GRIP1: variants seen among roughly 807,000 people sequenced by gnomAD.
GRIP1 encodes glutamate receptor-interacting protein 1.
Under a neutral mutation model 129.9 loss-of-function variants are expected in GRIP1, and 45 were observed. That is an observed-to-expected ratio of 0.35 (90% CI 0.27 to 0.44). The LOEUF is 0.44. Ranked by LOEUF, GRIP1 falls within the 20% of genes least tolerant of loss-of-function variation. GRIP1 has a pLI of 1.00. For synonymous variants in GRIP1, 530 were observed against 520.8 expected (o/e 1.02, Z -0.24); for missense variants, 1,196 against 1,396.8 (o/e 0.86, Z 2.29).
chr12:66,663,897 C>G (rs2033652168), intron 1 of GRIP1, among the ~76,000 whole-genome samples: 1 of 152,140 alleles, frequency 6.6e-6, no homozygotes, highest in African/African-American at 2.4e-5. Flanking sequence ...ATGGCTGGTG[C>G]ATCTATGCTC....
In GRIP1 at chr12:66,455,487, G is replaced by A. The variant is rs764803577; in HGVS notation, c.1276C>T (p.Pro426Ser). Residue 426 changes from proline (P) to serine (S), a missense_variant, in exon 11 of 25, where the codon CCT becomes TCT. Coordinates refer to ENST00000359742, the MANE Select transcript of GRIP1 (RefSeq NM_001366722.1). ...SLSSLNMGTL[P>S]RSLYSTSPRG... is the part of the protein sequence containing the mutation. Reference sequence around the variant, plus strand: ...GGGCTGGTGGAGTAGAGGCTTCGAGGTAGAGTCCCCATGTTCAGGGAACTC... The same window carrying A: ...GGGCTGGTGGAGTAGAGGCTTCGAGATAGAGTCCCCATGTTCAGGGAACTC... The A allele has an allele frequency of 6.8e-6, 11 of 1,613,246 alleles. No homozygotes were observed. In the African/African-American group the frequency reaches 1.1e-4, roughly 16 times the overall value.
At chr12:66,590,198 C>A (rs754915155) in intron 2 of GRIP1, among the ~76,000 whole-genome samples, 1 of 152,132 alleles carries the variant, frequency 6.6e-6, no homozygotes, top group African/African-American at 2.4e-5. Context: ...GGTACCCAAA[C>A]GGGGATTCGG....
At chr12:66,781,386 G>C (rs1206648642) in intron 1 of GRIP1, among the ~76,000 whole-genome samples, 1 of 152,126 alleles carries the variant, frequency 6.6e-6, no homozygotes, top group African/African-American at 2.4e-5. Context: ...CCTTTTTAAA[G>C]TAACTTATTT....
intron 1 of GRIP1, among the ~76,000 whole-genome samples, chr12:66,952,869 TTC>T (rs2041779849): frequency 6.6e-6 from 1 of 152,210 alleles, no homozygotes; most frequent in South Asian, 2.1e-4. Context: ...AGTAAACATA[TTC>T]TGTTTTTAGT....
At chr12:66,513,506 A>G (rs1448855284) in intron 7 of GRIP1, among the ~76,000 whole-genome samples, 3 of 152,066 alleles carry the variant, frequency 2.0e-5, no homozygotes, top group African/African-American at 7.2e-5. Flanking sequence ...GCATCTGTAT[A>G]TGCATATGCA....
chr12:66,838,880 T>C (rs757283736), intron 1 of GRIP1, among the ~76,000 whole-genome samples: 59 of 152,270 alleles, frequency 3.9e-4, no homozygotes, highest in Middle Eastern at 3.4e-3. Flanking sequence ...AAAGGCAGAC[T>C]TCTATGTAGC....
intron 1 of GRIP1, among the ~76,000 whole-genome samples, chr12:66,857,071 T>C (rs920817662): frequency 2.0e-5 from 3 of 152,062 alleles, no homozygotes; most frequent in African/African-American, 4.8e-5. Context: ...GTGTCCTTTG[T>C]AGGGACATGG....
chr12:66,769,144 C>T (rs955333486), intron 1 of GRIP1, among the ~76,000 whole-genome samples: 1 of 151,982 alleles, frequency 6.6e-6, no homozygotes, highest in South Asian at 2.1e-4. Context: ...TCAGGTGATG[C>T]GGATGCTGTG....
chr12:66,639,889 T>C (rs891188935), intron 1 of GRIP1, among the ~76,000 whole-genome samples: 4 of 152,210 alleles, frequency 2.6e-5, no homozygotes, highest in Non-Finnish European at 4.4e-5. Context: ...AAATAGAAGC[T>C]GAGACAAGCT....
intron 1 of GRIP1, among the ~76,000 whole-genome samples, chr12:66,941,238 T>C (rs1009854078): frequency 1.3e-5 from 2 of 152,144 alleles, no homozygotes; most frequent in African/African-American, 4.8e-5. Flanking sequence ...TCACACTTCC[T>C]AAGTGGCAGA....
intron 5 of GRIP1, among the ~76,000 whole-genome samples, chr12:66,522,149 A>G (rs1013230128): frequency 2.6e-5 from 4 of 152,216 alleles, no homozygotes; most frequent in African/African-American, 9.7e-5. Flanking sequence ...CTTTGAAGAG[A>G]GTAGTGGTTC....
At chr12:66,899,471 C>CT (rs1458310644) in intron 1 of GRIP1, among the ~76,000 whole-genome samples, 1 of 69,618 alleles carries the variant, frequency 1.4e-5, no homozygotes, top group Non-Finnish European at 2.5e-5. Flanking sequence ...TCAAGTGATC[C>CT]CCCACCTCAG....
intron 1 of GRIP1, among the ~76,000 whole-genome samples, chr12:66,888,660 G>A (rs979577265): frequency 2.6e-5 from 4 of 152,178 alleles, no homozygotes; most frequent in African/African-American, 9.7e-5. Context: ...ACCTTGCCCT[G>A]CCAGAACTGA....
chr12:66,818,949 C>CA (rs1373575688), intron 1 of GRIP1, among the ~76,000 whole-genome samples: 4 of 152,116 alleles, frequency 2.6e-5, no homozygotes, highest in Non-Finnish European at 5.9e-5. Flanking sequence ...AAAGGTGTCC[C>CA]AAAAAATCTT....
intron 1 of GRIP1, among the ~76,000 whole-genome samples, chr12:67,019,749 T>C (rs528899925): frequency 3.3e-5 from 5 of 152,200 alleles, no homozygotes; most frequent in Admixed American, 1.3e-4. Flanking sequence ...GTAGAATTTA[T>C]CCTATAATCC....
chr12:66,639,376 G>C (rs2031717181), intron 1 of GRIP1, among the ~76,000 whole-genome samples: 1 of 152,094 alleles, frequency 6.6e-6, no homozygotes, highest in African/African-American at 2.4e-5. Context: ...TGTGTGCATT[G>C]GGGGAGGGCG....
chr12:66,773,991 A>G (rs1289075415), intron 1 of GRIP1, among the ~76,000 whole-genome samples: 1 of 152,148 alleles, frequency 6.6e-6, no homozygotes, highest in Non-Finnish European at 1.5e-5. Context: ...CTGCATAGTC[A>G]TGGGTAAACC....
chr12:66,895,235 TGGGAG>T (rs930950434), intron 1 of GRIP1, among the ~76,000 whole-genome samples: 3 of 152,166 alleles, frequency 2.0e-5, no homozygotes, highest in African/African-American at 7.2e-5. Context: ...AAGGACCTGG[TGGGAG>T]GTAATTGAAT....
chr12:66,463,156 G>T, intron 8 of GRIP1, 63 bp from the exon 9 acceptor site: 2 of 1,277,866 alleles, frequency 1.6e-6, no homozygotes, highest in Non-Finnish European at 2.3e-6. Flanking sequence ...TGACTTTCAT[G>T]TCCTTCATAG....
Sources: gnomAD v4.1 joint callset for allele counts (sites outside exome capture counted in the v4.1 genomes callset) on GRCh38, gnomAD v4.1.1 for gene constraint, MANE v1.5 for transcripts, NCBI Gene and HGNC (gene_info 2026-07-23, HGNC 2026-07-21) for gene names.